VAV3: variants seen among roughly 807,000 people sequenced by gnomAD.
VAV3 encodes the protein guanine nucleotide exchange factor VAV3.
VAV3 carries 94 observed loss-of-function variants against 131.2 expected under a neutral mutation model. The observed-to-expected ratio is 0.72, with a 90% CI of 0.61 to 0.85. The LOEUF (loss-of-function observed/expected upper bound fraction) is 0.85, where lower values mean the gene tolerates loss of function less well. VAV3 is among the 40% of genes least tolerant of loss of function. VAV3 has a pLI of 0.00. For missense variants in VAV3, 939 were observed against 1,002.7 expected (o/e 0.94, Z 0.86); for synonymous variants, 349 against 342.0 (o/e 1.02, Z -0.22).
intron 1 of VAV3, among the ~76,000 whole-genome samples, chr1:107,958,992 G>T (rs2101393200): frequency 6.6e-6 from 1 of 152,236 alleles, no homozygotes; most frequent in East Asian, 1.9e-4. Context: ...CGGGCACAGT[G>T]GCTTACAGCT....
chr1:107,753,146 A>C (rs1663840380), intron 12 of VAV3, among the ~76,000 whole-genome samples: 1 of 152,176 alleles, frequency 6.6e-6, no homozygotes. Flanking sequence ...TAAAATGTTG[A>C]CACATGACTA....
chr1:107,630,642 T>C (rs1172912974), intron 20 of VAV3, among the ~76,000 whole-genome samples: 1 of 151,912 alleles, frequency 6.6e-6, no homozygotes, highest in Non-Finnish European at 1.5e-5. Context: ...AAAGAGGTGC[T>C]TAAAAACTAT....
intron 15 of VAV3, among the ~76,000 whole-genome samples, chr1:107,742,582 A>T (rs1663088095): frequency 6.6e-6 from 1 of 152,192 alleles, no homozygotes; most frequent in Non-Finnish European, 1.5e-5. Flanking sequence ...AATCTCTCAG[A>T]TGCCATAGCT....
At chr1:107,790,343 G>C (rs1280671538) in intron 2 of VAV3, among the ~76,000 whole-genome samples, 1 of 152,206 alleles carries the variant, frequency 6.6e-6, no homozygotes, top group Admixed American at 6.5e-5. Context: ...CCACATGCCA[G>C]GCCCAGCCCT....
chr1:107,897,807 A>G (rs970105957), intron 1 of VAV3, among the ~76,000 whole-genome samples: 4 of 152,162 alleles, frequency 2.6e-5, no homozygotes, highest in Admixed American at 1.3e-4. Flanking sequence ...CCTTTATGAA[A>G]TGAAAGGGAT....
intron 1 of VAV3, among the ~76,000 whole-genome samples, chr1:107,914,222 C>G (rs1457430126): frequency 6.6e-6 from 1 of 152,170 alleles, no homozygotes; most frequent in African/African-American, 2.4e-5. Context: ...GGGACAAACT[C>G]AACTGTGCCA....
intron 22 of VAV3, among the ~76,000 whole-genome samples, chr1:107,608,377 C>T (rs993719228): frequency 6.6e-6 from 1 of 152,130 alleles, no homozygotes; most frequent in Non-Finnish European, 1.5e-5. Context: ...AGAGAAGAAA[C>T]CTAATCATCA....
At chr1:107,825,831 CA>C (rs1485832592) in intron 2 of VAV3, among the ~76,000 whole-genome samples, 1 of 152,126 alleles carries the variant, frequency 6.6e-6, no homozygotes, top group Non-Finnish European at 1.5e-5. Context: ...TTTATCTGGA[CA>C]AATCAGGTTA....
chr1:107,651,214 T>A (rs143165678), intron 19 of VAV3, among the ~76,000 whole-genome samples: 1 of 152,242 alleles, frequency 6.6e-6, no homozygotes, highest in Non-Finnish European at 1.5e-5. Context: ...TCAGCTGTCA[T>A]TTATAAACCA....
chr1:107,726,680 A>C (rs757590511), intron 15 of VAV3, among the ~76,000 whole-genome samples: 1 of 152,218 alleles, frequency 6.6e-6, no homozygotes, highest in Non-Finnish European at 1.5e-5. Flanking sequence ...ATCAGCATAG[A>C]CTACCAACCT....
Position 107,573,306 on chromosome 1 carries a change from G to T in VAV3, c.*25C>A, listed in dbSNP as rs771713648. 55 of 1,611,822 alleles carry T rather than the reference G, an allele frequency of 3.4e-5. No homozygotes were observed. The highest frequency in any genetic ancestry group is 4.7e-5 in the Non-Finnish European group (55 of 1,179,442). On this transcript the variant is annotated 3_prime_UTR_variant, in exon 27 of 27. Coordinates refer to ENST00000370056, the MANE Select transcript of VAV3 (RefSeq NM_006113.5). ...TTATCCCTTCTCTGAAATTTTTGGT[G>T]CAGGGTGCAACACGGGATTTGAATT...
chr1:107,704,875 A>ATTGGC, intron 16 of VAV3, 85 bp downstream of exon 16: 1 of 1,371,972 alleles, frequency 7.3e-7, no homozygotes, highest in East Asian at 2.4e-5. Flanking sequence ...TTTAGAACCT[A>ATTGGC]TTGGCTAGAA....
At chr1:107,807,309 A>C (rs916321214) in intron 2 of VAV3, among the ~76,000 whole-genome samples, 2 of 152,232 alleles carry the variant, frequency 1.3e-5, no homozygotes, top group African/African-American at 4.8e-5. Flanking sequence ...TTTTCTTTGC[A>C]GTTAGGCTCA....
At chr1:107,666,419 C>G (rs1001521847) in intron 19 of VAV3, among the ~76,000 whole-genome samples, 13 of 152,060 alleles carry the variant, frequency 8.5e-5, no homozygotes, top group Non-Finnish European at 1.9e-4. Context: ...GGTGTGTGGG[C>G]TTTCAGGACT....
Position 107,683,487 on chromosome 1 carries a change from C to T in VAV3, c.1777+1G>A. 6.2e-7 allele frequency: 1 copy of T among 1,613,996 alleles called. No individual in the cohort carries two copies. Among genetic ancestry groups the T allele is most frequent in the Non-Finnish European group, 8.5e-7 (1 of 1,179,898 alleles). ...TATGGAAGGTTTAATCAGAAACACA[C>T]CTGGATCCACCTGTTTAGGAGTTCT... On this transcript the variant is annotated splice_donor_variant, in intron 19 of 26. Coordinates refer to ENST00000370056, the MANE Select transcript of VAV3 (RefSeq NM_006113.5). LOFTEE classifies it high-confidence loss of function.
chr1:107,905,502 T>C (rs1334822938), intron 1 of VAV3, among the ~76,000 whole-genome samples: 1 of 152,126 alleles, frequency 6.6e-6, no homozygotes, highest in Non-Finnish European at 1.5e-5. Context: ...TAACTGTTCA[T>C]GGAAGCCAAT....
At chr1:107,870,046 T>A (rs1184818148) in intron 2 of VAV3, among the ~76,000 whole-genome samples, 1 of 152,204 alleles carries the variant, frequency 6.6e-6, no homozygotes, top group Admixed American at 6.5e-5. Context: ...TTGACGGGCA[T>A]TTGGGCTGAT....
At chr1:107,785,537 A>T in intron 2 of VAV3, 1 of 1,279,688 alleles carries the variant, frequency 7.8e-7, no homozygotes, top group South Asian at 1.4e-5. Context: ...GGGTTCAAGA[A>T]GGGGTCCACG....
At chr1:107,876,235 T>G (rs1293503919) in intron 1 of VAV3, among the ~76,000 whole-genome samples, 1 of 152,128 alleles carries the variant, frequency 6.6e-6, no homozygotes, top group African/African-American at 2.4e-5. Flanking sequence ...TGGTCAACAC[T>G]GCCCATGGAT....
Sources: allele counts gnomAD v4.1 joint callset (sites outside exome capture counted in the v4.1 genomes callset), GRCh38; gene constraint gnomAD v4.1.1; transcripts MANE v1.5; gene names NCBI Gene and HGNC (gene_info 2026-07-23, HGNC 2026-07-21).